Variants in NEMP1 observed in about 807,000 individuals in gnomAD.
NEMP1 encodes transmembrane protein 194.
A neutral mutation model predicts 53.7 loss-of-function variants in NEMP1; 29 were observed. That is an observed-to-expected ratio of 0.54 (90% CI 0.40 to 0.74). NEMP1 has a LOEUF of 0.74. Ranked by LOEUF, NEMP1 falls within the 30% of genes least tolerant of loss-of-function variation. The probability of loss-of-function intolerance (pLI) is 0.00; values close to 1 mark genes in which losing one functional copy is unlikely to be tolerated. For missense variants in NEMP1, 477 were observed against 528.6 expected (o/e 0.90, Z 0.96); for synonymous variants, 193 against 192.9 (o/e 1.00, Z 0.00).
chr12:57,075,003 T>A (rs557947596), intron 1 of NEMP1, among the ~76,000 whole-genome samples: 92 of 151,936 alleles, frequency 6.1e-4, no homozygotes, highest in East Asian at 5.8e-4. Context: ...GGCAGAAGAA[T>A]CGCTTGAACC....
Position 57,058,509 on chromosome 12 carries a change from T to G in NEMP1, c.*1370A>C, listed in dbSNP as rs915537315. 1.1e-4 allele frequency: 17 copies of G among 152,234 alleles called. No homozygotes were observed. The highest frequency in any genetic ancestry group is 3.9e-4 in the African/African-American group (16 of 41,464). 9.4% of individuals were successfully genotyped at this position (152,234 alleles called of 1,614,324 possible). A position where few individuals can be genotyped will look rare whatever the true frequency, so the allele number is the denominator to read the frequency against. On this transcript the variant is annotated 3_prime_UTR_variant, in exon 9 of 9. Transcript: ENST00000300128. ...AAATGACAGACACTTGAGAATTTGC[T>G]TCCTCACAGATGACATTGCTGGTTT... is the stretch of plus-strand genomic sequence containing the variant.
intron 1 of NEMP1, among the ~76,000 whole-genome samples, chr12:57,087,712 G>A (rs1250978525): frequency 3.3e-5 from 5 of 152,008 alleles, no homozygotes; most frequent in Non-Finnish European, 5.9e-5. Flanking sequence ...AACCAGCCCC[G>A]GTCCACGGCC....
At chr12:57,063,483 T>C in intron 6 of NEMP1, 139 bp from the exon 7 acceptor site, 1 of 687,812 alleles carries the variant, frequency 1.5e-6, no homozygotes, top group South Asian at 2.0e-5. Context: ...TTCACACTTT[T>C]TTCTTAGAAT....
chr12:57,085,932 A>G (rs1375950195), intron 1 of NEMP1, among the ~76,000 whole-genome samples: 1 of 152,212 alleles, frequency 6.6e-6, no homozygotes, highest in Non-Finnish European at 1.5e-5. Flanking sequence ...CAATTTATTC[A>G]TTTCAGAGGG....
rs373278431 is a variant in NEMP1, at chr12:57,060,017, A to C, written c.1197T>G (p.Asn399Lys). ...ACTCCTGCTCATGGACAGAAACTTCATTTGGCGTGAGGTGGGAAGAGCCTT... is the reference window on the plus strand; with the variant it reads ...ACTCCTGCTCATGGACAGAAACTTCCTTTGGCGTGAGGTGGGAAGAGCCTT... Reference protein sequence around the residue: ...FVEGSSHLTPNEVSVHEQEYG... With the variant: ...FVEGSSHLTPKEVSVHEQEYG... Residue 399 changes from asparagine to lysine, a missense_variant, in exon 9 of 9, where the codon AAT becomes AAG. Asn to Lys is a moderately conservative substitution (Grantham distance 94). Coordinates refer to ENST00000300128, the MANE Select transcript of NEMP1 (RefSeq NM_001130963.2). 6.2e-7 allele frequency: 1 copy of C among 1,613,982 alleles called. No homozygotes were observed. The highest frequency in any genetic ancestry group is 8.5e-7 in the Non-Finnish European group (1 of 1,179,988).
upstream of NEMP1, among the ~76,000 whole-genome samples, chr12:57,080,722 C>A (rs1196574149): frequency 6.6e-6 from 1 of 151,918 alleles, no homozygotes; most frequent in Non-Finnish European, 1.5e-5. Flanking sequence ...AAAACCCTAT[C>A]TCTAATAAAA....
At chr12:57,060,721 T>C (rs2031758248) in intron 8 of NEMP1, 51 bp downstream of exon 8, 1 of 1,549,742 alleles carries the variant, frequency 6.5e-7, no homozygotes, top group Admixed American at 2.0e-5. Flanking sequence ...CTGGTAGAAC[T>C]CAAGGTCACA....
intron 1 of NEMP1, among the ~76,000 whole-genome samples, chr12:57,073,350 C>T (rs1180514957): frequency 6.6e-6 from 1 of 151,734 alleles, no homozygotes; most frequent in Non-Finnish European, 1.5e-5. Context: ...TCTATTAAGA[C>T]AGTATGCTGC....
Position 57,058,616 on chromosome 12 carries a change from C to T in NEMP1, c.*1263G>A, listed in dbSNP as rs546635624. 1 of 152,182 alleles carries T rather than the reference C, an allele frequency of 6.6e-6. No homozygotes were observed. The highest frequency in any genetic ancestry group is 2.1e-4 in the South Asian group (1 of 4,834). 9.4% of individuals were successfully genotyped at this position (152,182 alleles called of 1,614,324 possible). ...GGCAGCATACATCTCAGGTCAGAAA[C>T]GCAATCATAAATAAGTGTAAGTTCA... is the stretch of plus-strand genomic sequence containing the variant. On this transcript the variant is annotated 3_prime_UTR_variant, in exon 9 of 9. Transcript: ENST00000300128.
chr12:57,064,719 GAGT>G lies in NEMP1; in HGVS notation c.563_565del (p.Tyr188del), dbSNP rs1565658661. 6.2e-7 allele frequency: 1 copy of G among 1,612,740 alleles called. No individual in the cohort carries two copies. Among genetic ancestry groups the G allele is most frequent in the African/African-American group, 1.3e-5 (1 of 74,992 alleles). ...CACAATTCCCACAGTCATCCCAGTAGAGTAGTAGAAAATTTGACTTCTGCAGGA... is the reference window on the plus strand; with the variant it reads ...CACAATTCCCACAGTCATCCCAGTAGAGTAGAAAATTTGACTTCTGCAGGA... On this transcript the variant is annotated inframe_deletion, in exon 5 of 9. Transcript: ENST00000300128.
chr12:57,078,692 CCAGGGCCCGGG>C lies in NEMP1; in HGVS notation c.43_53del (p.Pro15GlyfsTer26). 1 of 1,613,662 alleles carries C rather than the reference CCAGGGCCCGGG, an allele frequency of 6.2e-7. No individual in the cohort carries two copies. Among genetic ancestry groups the C allele is most frequent in the Non-Finnish European group, 8.5e-7 (1 of 1,179,790 alleles). The stretch of plus-strand genomic sequence containing the variant: ...TCCCACCGCCCCCGACTCCCGAGCC[CCAGGGCCCGGG>C]ACCAACTGCCGGCGAGACCGCCACT... On this transcript the variant is annotated frameshift_variant, in exon 1 of 9. Transcript: ENST00000300128. LOFTEE classifies it high-confidence loss of function.
intron 7 of NEMP1, among the ~76,000 whole-genome samples, chr12:57,062,148 A>C (rs1011381993): frequency 4.6e-5 from 7 of 152,208 alleles, no homozygotes; most frequent in Non-Finnish European, 8.8e-5. Flanking sequence ...TTAAAATAAG[A>C]CTAAGACCTC....
intron 1 of NEMP1, among the ~76,000 whole-genome samples, chr12:57,073,418 T>A (rs1323037321): frequency 2.0e-5 from 3 of 152,082 alleles, no homozygotes; most frequent in African/African-American, 4.8e-5. Context: ...GGTGGGCGGA[T>A]GACCTGAGGT....
chr12:57,071,812 G>A (rs758430260), intron 2 of NEMP1, among the ~76,000 whole-genome samples: 20 of 151,268 alleles, frequency 1.3e-4, no homozygotes, highest in Non-Finnish European at 1.9e-4. Context: ...GTGACTGAGC[G>A]AGACTCCGTC....
rs534287827 is a variant in NEMP1 at position 57,075,900 on chromosome 12, T to C, written c.127+2719A>G. ...GGCAGATCACTTGAGGTCAGGAGTT[T>C]GAGACCAGCCTGGCCAACATGGCGA... is the stretch of plus-strand genomic sequence containing the variant. On this transcript the variant is annotated intron_variant, in intron 1 of 8. Coordinates refer to ENST00000300128, the MANE Select transcript of NEMP1 (RefSeq NM_001130963.2). Among the ~76,000 whole-genome samples, 11 of 148,494 alleles carry C rather than the reference T, an allele frequency of 7.4e-5. No homozygotes were observed. The South Asian group carries it at 2.1e-3, about 29-fold the overall frequency.
In NEMP1 at chr12:57,070,194, CATCTTT is replaced by C. The variant is rs145113041; in HGVS notation, c.472+474_472+479del. Among the ~76,000 whole-genome samples, 887 of 152,282 alleles carry C rather than the reference CATCTTT, an allele frequency of 5.8e-3. 10 individuals are homozygous for C. Among genetic ancestry groups the C allele is most frequent in the African/African-American group, 0.02 (851 of 41,556 alleles). ...ATAAGTTTTAAACTGCAGTGGTCTT[CATCTTT>C]ATTTATGGTTCCATGAATACTCTTT... On this transcript the variant is annotated intron_variant, in intron 3 of 8. Coordinates refer to ENST00000300128, the MANE Select transcript of NEMP1 (RefSeq NM_001130963.2).
intron 1 of NEMP1, among the ~76,000 whole-genome samples, chr12:57,087,204 C>T (rs1414731607): frequency 6.6e-6 from 1 of 152,220 alleles, no homozygotes; most frequent in Admixed American, 6.5e-5. Context: ...GCCCCGCGCC[C>T]AGTAGGTTGC....
At chr12:57,070,623 C>T (rs1260597236) in intron 3 of NEMP1, 51 bp downstream of exon 3, 1 of 1,466,908 alleles carries the variant, frequency 6.8e-7, no homozygotes, top group African/African-American at 1.4e-5. Flanking sequence ...CCCTTCAGAA[C>T]TCAGTCCTTA....
At chr12:57,066,796 G>C (rs937627932) in intron 4 of NEMP1, among the ~76,000 whole-genome samples, 4 of 150,072 alleles carry the variant, frequency 2.7e-5, no homozygotes, top group Non-Finnish European at 5.9e-5. Context: ...CATGGGGGCA[G>C]TTGCCCTCAT....
Sources: allele counts gnomAD v4.1 joint callset (sites outside exome capture counted in the v4.1 genomes callset), GRCh38; gene constraint gnomAD v4.1.1; transcripts MANE v1.5; gene names NCBI Gene and HGNC (gene_info 2026-07-23, HGNC 2026-07-21).